ZNF438: variants seen among roughly 807,000 people sequenced by gnomAD.
ZNF438 encodes the protein zinc finger protein 438.
In ZNF438, 25 loss-of-function variants were observed where a neutral mutation model predicts 38.0. The observed-to-expected ratio is 0.66, with a 90% confidence interval of 0.48 to 0.92. The LOEUF is 0.92. Among genes scored for constraint, ZNF438 ranks in the 40% least tolerant of loss-of-function variants. The probability of loss-of-function intolerance (pLI) is 0.00; values close to 1 mark genes in which losing one functional copy is unlikely to be tolerated. For missense variants in ZNF438, 1,007 were observed against 999.6 expected (o/e 1.01, Z -0.10); for synonymous variants, 372 against 364.1 (o/e 1.02, Z -0.25).
At chr10:30,889,405 C>T (rs2040391109) in intron 3 of ZNF438, among the ~76,000 whole-genome samples, 1 of 152,122 alleles carries the variant, frequency 6.6e-6, no homozygotes, top group Non-Finnish European at 1.5e-5. Context: ...ACTCCCCTCC[C>T]CTCTTCCCTC....
At chr10:30,885,001 T>C (rs2039765039) in intron 3 of ZNF438, among the ~76,000 whole-genome samples, 1 of 152,234 alleles carries the variant, frequency 6.6e-6, no homozygotes, top group African/African-American at 2.4e-5. Context: ...TGTATGTGTA[T>C]GTGGCCACCA....
chr10:30,872,749 C>CAAAAA (rs10633045), intron 4 of ZNF438, among the ~76,000 whole-genome samples: 28,836 of 87,686 alleles, frequency 0.33, 4,362 homozygotes, highest in East Asian at 0.37. Flanking sequence ...GACTCTGTCT[C>CAAAAA]AAAAAAAAAA....
At chr10:30,885,555 G>T (rs2039849764) in intron 3 of ZNF438, among the ~76,000 whole-genome samples, 1 of 152,186 alleles carries the variant, frequency 6.6e-6, no homozygotes, top group South Asian at 2.1e-4. Flanking sequence ...AAACTGAGGT[G>T]CTCAAAGAAA....
intron 2 of ZNF438, among the ~76,000 whole-genome samples, chr10:30,935,310 T>C (rs1486877533): frequency 1.3e-5 from 2 of 152,246 alleles, no homozygotes; most frequent in African/African-American, 2.4e-5. Context: ...CTTTGGCTCA[T>C]GGTTCTGCAG....
chr10:30,967,966 T>C (rs1295339606), intron 1 of ZNF438, among the ~76,000 whole-genome samples: 2 of 152,032 alleles, frequency 1.3e-5, no homozygotes, highest in South Asian at 2.1e-4. Context: ...GTTATGTGAA[T>C]ATACAAGCCA....
At chr10:30,888,692 A>G (rs2040278931) in intron 3 of ZNF438, among the ~76,000 whole-genome samples, 2 of 152,170 alleles carry the variant, frequency 1.3e-5, no homozygotes, top group African/African-American at 4.8e-5. Context: ...ATGTTCCTAT[A>G]AAGGGCATGA....
At chr10:30,847,702 A>G (rs893885226) in intron 5 of ZNF438, among the ~76,000 whole-genome samples, 23 of 152,324 alleles carry the variant, frequency 1.5e-4, no homozygotes, top group African/African-American at 5.3e-4. Flanking sequence ...CTTCTGGGCA[A>G]CATCATGTTC....
chr10:30,937,379 T>G (rs1295474991), intron 2 of ZNF438, among the ~76,000 whole-genome samples: 1 of 152,248 alleles, frequency 6.6e-6, no homozygotes, highest in Non-Finnish European at 1.5e-5. Context: ...GGGAACTGTG[T>G]GCTAATAACT....
At chr10:30,902,397 G>A (rs1376116215) in intron 3 of ZNF438, among the ~76,000 whole-genome samples, 2 of 151,964 alleles carry the variant, frequency 1.3e-5, no homozygotes, top group Non-Finnish European at 1.5e-5. Context: ...GCTGATTCAT[G>A]CATTTACAAA....
At chr10:31,014,883 T>C (rs1564851220) in intron 1 of ZNF438, among the ~76,000 whole-genome samples, 1 of 151,424 alleles carries the variant, frequency 6.6e-6, no homozygotes, top group Non-Finnish European at 1.5e-5. Context: ...TATATATTTA[T>C]TTAGAGACAG....
rs11445638 is a variant in ZNF438 at position 30,966,669 on chromosome 10, C to CAA, written c.-191-25020_-191-25019dup. Among the ~76,000 whole-genome samples, 222 of 129,706 alleles carry CAA rather than the reference C, an allele frequency of 1.7e-3. 1 individual carries two copies. Among genetic ancestry groups the CAA allele is most frequent in the Middle Eastern group, 4.2e-3 (1 of 240 alleles). 85.1% of individuals were successfully genotyped at this position (129,706 alleles called of 152,430 possible). On this transcript the variant is annotated intron_variant, in intron 1 of 5. Coordinates refer to ENST00000413025, the Ensembl canonical transcript of ZNF438. ...TGGGCAACAGAGCAAGACTCCATCTCAAAAAAAAAAAAAAAGAAAGAAAGG... is the reference window on the plus strand; with the variant it reads ...TGGGCAACAGAGCAAGACTCCATCTCAAAAAAAAAAAAAAAAAGAAAGAAAGG...
intron 2 of ZNF438, among the ~76,000 whole-genome samples, chr10:30,934,984 C>G (rs1013697264): frequency 6.6e-6 from 1 of 152,172 alleles, no homozygotes; most frequent in Non-Finnish European, 1.5e-5. Context: ...AAGTAAAATA[C>G]CATAAAATAT....
intron 1 of ZNF438, among the ~76,000 whole-genome samples, chr10:31,027,762 C>A (rs1374883286): frequency 6.6e-6 from 1 of 152,026 alleles, no homozygotes; most frequent in African/African-American, 2.4e-5. Context: ...TGAGATGGCA[C>A]CCCTCTACAT....
chr10:30,896,447 T>C (rs944553330), intron 3 of ZNF438, among the ~76,000 whole-genome samples: 35 of 152,316 alleles, frequency 2.3e-4, no homozygotes, highest in African/African-American at 6.7e-4. Context: ...AAATGTGATA[T>C]ATACATACAA....
intron 5 of ZNF438, 61 bp downstream of exon 6, chr10:30,848,470 T>G: frequency 6.5e-7 from 1 of 1,532,862 alleles, no homozygotes; most frequent in Non-Finnish European, 8.8e-7. Context: ...TATGAAATCT[T>G]CCCCTCTTCC....
At chr10:30,910,742 T>C (rs1339908188) in intron 2 of ZNF438, among the ~76,000 whole-genome samples, 1 of 150,006 alleles carries the variant, frequency 6.7e-6, no homozygotes, top group African/African-American at 2.4e-5. Context: ...TTTTTACCTA[T>C]GGTAAAAATA....
intron 1 of ZNF438, among the ~76,000 whole-genome samples, chr10:30,946,654 T>A (rs1404894304): frequency 6.6e-6 from 1 of 152,222 alleles, no homozygotes. Context: ...TATAGTTAGG[T>A]CTTGCTACTT....
In ZNF438 at chr10:30,981,877, CA is replaced by C. The variant is rs113602194; in HGVS notation, c.-191-40227del. ...TGGGTGACAGAGCGAGACTCCATCT[CA>C]AAAAAAAAAAAAAAGTTCAATATAT... is the stretch of plus-strand genomic sequence containing the variant. On this transcript the variant is annotated intron_variant, in intron 1 of 5. Transcript: ENST00000413025. Among the ~76,000 whole-genome samples, 1,007 of 106,662 alleles carry C rather than the reference CA, an allele frequency of 9.4e-3. 10 individuals carry two copies. The highest frequency in any genetic ancestry group is 0.024 in the African/African-American group (692 of 29,178). The allele number at this position is 106,662 out of a possible 152,430, so 70.0% of individuals were successfully genotyped here.
chr10:31,023,003 T>C (rs1325316730), intron 1 of ZNF438, among the ~76,000 whole-genome samples: 2 of 152,224 alleles, frequency 1.3e-5, no homozygotes, highest in East Asian at 1.9e-4. Flanking sequence ...AGCCGACTTA[T>C]AATGATTTAA....
Sources: allele counts gnomAD v4.1 joint callset (sites outside exome capture counted in the v4.1 genomes callset), GRCh38; gene constraint gnomAD v4.1.1; transcripts MANE v1.5; gene names NCBI Gene and HGNC (gene_info 2026-07-23, HGNC 2026-07-21).